Variants in E2F2 observed in about 807,000 individuals in gnomAD.
The protein encoded by E2F2 is transcription factor E2F2.
In E2F2, 22 loss-of-function variants were observed where a neutral mutation model predicts 42.2. The observed-to-expected ratio is 0.52, with a 90% CI of 0.37 to 0.74. The LOEUF (loss-of-function observed/expected upper bound fraction) is 0.74, where lower values mean the gene tolerates loss of function less well. Among genes scored for constraint, E2F2 ranks in the 30% least tolerant of loss-of-function variants. The probability of loss-of-function intolerance (pLI) is 0.00; values close to 1 mark genes in which losing one functional copy is unlikely to be tolerated. For synonymous variants in E2F2, 248 were observed against 251.6 expected (o/e 0.99, Z 0.13); for missense variants, 481 against 557.8 (o/e 0.86, Z 1.39).
downstream of E2F2, among the ~76,000 whole-genome samples, chr1:23,505,795 G>A (rs1023105978): frequency 2.0e-5 from 3 of 151,964 alleles, no homozygotes; most frequent in Non-Finnish European, 2.9e-5. Flanking sequence ...TTACAGGCGT[G>A]AGCCACTGCA....
In E2F2 at chr1:23,509,721, C is replaced by T; in HGVS notation, c.*159G>A. On this transcript the variant is annotated 3_prime_UTR_variant, in exon 7 of 7. Coordinates refer to ENST00000361729, the MANE Select transcript of E2F2 (RefSeq NM_004091.4). ...TCCTCACCCGTACCATTCATATCTC[C>T]CCACACAGCTTCTGCCGGCTGGGGC... 7.3e-7 allele frequency: 1 copy of T among 1,366,358 alleles called. No individual in the cohort carries two copies. The highest frequency in any genetic ancestry group is 9.6e-7 in the Non-Finnish European group (1 of 1,043,126). The allele number at this position is 1,366,358 out of a possible 1,614,324, so 84.6% of individuals were successfully genotyped here. A position where few individuals can be genotyped will look rare whatever the true frequency, so the allele number is the denominator to read the frequency against.
In E2F2 at chr1:23,516,318, C is replaced by T; in HGVS notation, c.1045+17G>A. On this transcript the variant is annotated intron_variant, in intron 6 of 6. Transcript: ENST00000361729. ...GTCTCTCCCCCCACCTCCTGTCCCT[C>T]TGGACAAGGGACCTACCTGAGGATG... 1 of 1,490,814 alleles carries T rather than the reference C, an allele frequency of 6.7e-7. No homozygotes were observed. The highest frequency in any genetic ancestry group is 2.6e-5 in the Admixed American group (1 of 38,096). The allele number at this position is 1,490,814 out of a possible 1,614,324, so 92.3% of individuals were successfully genotyped here.
Position 23,509,931 on chromosome 1 carries a change from G to T in E2F2, c.1263C>A (p.Gly421=). 2 of 1,602,038 alleles carry T rather than the reference G, an allele frequency of 1.2e-6. No individual in the cohort carries two copies. The highest frequency in any genetic ancestry group is 1.7e-6 in the Non-Finnish European group (2 of 1,173,186). ...CGTAGGAGTCGAAGAGATCGCTGAT[G>T]CCCTCACCCGCCTCCAAGCCCCACA... ...DYLWGLEAGE[G]ISDLFDSYDL... is the part of the protein sequence containing the mutation. The change falls in exon 7 of 7, where the codon GGC becomes GGA. Residue 421 remains glycine, a synonymous_variant. Transcript: ENST00000361729.
intron 1 of E2F2, among the ~76,000 whole-genome samples, chr1:23,525,992 G>C (rs1434886391): frequency 6.6e-6 from 1 of 152,036 alleles, no homozygotes; most frequent in Non-Finnish European, 1.5e-5. Flanking sequence ...AGCTCTTCCT[G>C]CTGTCAGTTC....
intron 4 of E2F2, among the ~76,000 whole-genome samples, chr1:23,520,524 G>A (rs540799253): frequency 6.6e-6 from 1 of 152,092 alleles, no homozygotes; most frequent in East Asian, 1.9e-4. Context: ...CAGGAGGATC[G>A]ACTGAAGCCA....
chr1:23,510,287 C>T (rs1642885913), intron 6 of E2F2, 139 bp from the exon 7 acceptor site: 1 of 1,384,344 alleles, frequency 7.2e-7, no homozygotes. Context: ...CTCTCAAAAT[C>T]CACCTTCCAG....
chr1:23,516,289 G>T, intron 6 of E2F2, 46 bp downstream of exon 6: 1 of 1,424,810 alleles, frequency 7.0e-7, no homozygotes, highest in Non-Finnish European at 9.2e-7. Context: ...GAAAACTAAG[G>T]CCGGTCTCTC....
chr1:23,516,603 C>CTAA, intron 5 of E2F2, 76 bp from the exon 6 acceptor site: 1 of 1,250,796 alleles, frequency 8.0e-7, no homozygotes. Flanking sequence ...GACAGACGCA[C>CTAA]GTGGCTGCTG....
At chr1:23,517,675 C>T (rs3218183) in intron 5 of E2F2, among the ~76,000 whole-genome samples, 2,325 of 152,298 alleles carry the variant, frequency 0.015, 19 homozygotes, top group Non-Finnish European at 0.024. Flanking sequence ...AGAATGCAAT[C>T]GTGTAATCAT....
chr1:23,527,457 G>A (rs1558257275), intron 1 of E2F2, among the ~76,000 whole-genome samples: 3 of 152,210 alleles, frequency 2.0e-5, no homozygotes. Context: ...AGCCCACCCT[G>A]CCAACCCCTA....
At position 23,530,998 on chromosome 1, in the gene E2F2, A is replaced by G. The variant is rs1404850725; in HGVS notation, c.-205T>C. On this transcript the variant is annotated 5_prime_UTR_variant, in exon 1 of 7. Transcript: ENST00000361729. This position sits in a 1 kb window ranked among gnomAD's most constrained non-coding sequence, Gnocchi z 4.4. ...AGCGCTTAGAGATCGCCGCTTGGAG[A>G]TCGCCCGGCGGCTGCGGTGGTGGCA... 7.4e-6 allele frequency: 4 copies of G among 543,224 alleles called. No individual in the cohort carries two copies. Among genetic ancestry groups the G allele is most frequent in the African/African-American group, 2.0e-5 (1 of 50,382 alleles). The allele number at this position is 543,224 out of a possible 1,614,324, so 33.7% of individuals were successfully genotyped here. A position where few individuals can be genotyped will look rare whatever the true frequency, so the allele number is the denominator to read the frequency against.
At position 23,516,357 on chromosome 1, in the gene E2F2, G is replaced by A. The variant is rs1158777328; in HGVS notation, c.1023C>T (p.Ile341=). The A allele has an allele frequency of 1.3e-6, 2 of 1,554,304 alleles. No individual in the cohort carries two copies. The highest frequency in any genetic ancestry group is 2.1e-5 in the Admixed American group (1 of 48,730). The change falls in exon 6 of 7, where the codon ATC becomes ATT. Residue 341 remains isoleucine, a synonymous_variant. Coordinates refer to ENST00000361729, the MANE Select transcript of E2F2 (RefSeq NM_004091.4). The part of the protein sequence containing the change: ...AQPSSSTDPS[I]MEPTASSVPA... ...TACCTGAGGATGCTGTGGGCTCCAT[G>A]ATGCTAGGGTCGGTGCTGCTGCTGG...
chr1:23,523,496 C>A (rs1240237509), intron 2 of E2F2, among the ~76,000 whole-genome samples: 3 of 152,138 alleles, frequency 2.0e-5, no homozygotes, highest in Non-Finnish European at 4.4e-5. Flanking sequence ...AGGCAGCAAC[C>A]CCCTCCAACT....
At chr1:23,529,565 G>A (rs569131145) in intron 1 of E2F2, among the ~76,000 whole-genome samples, 1 of 152,124 alleles carries the variant, frequency 6.6e-6, no homozygotes, top group Non-Finnish European at 1.5e-5. Flanking sequence ...CCTCTCCCTG[G>A]AGCCTGCTTC....
intron 1 of E2F2, among the ~76,000 whole-genome samples, chr1:23,526,851 G>GCACACACA (rs3221150): frequency 0.066 from 9,863 of 148,776 alleles, 643 homozygotes; most frequent in East Asian, 0.4. Context: ...GCATGTACTT[G>GCACACACA]CACACACACA....
At chr1:23,516,610 G>C (rs748167769) in intron 5 of E2F2, 83 bp from the exon 6 acceptor site, 113 of 1,183,800 alleles carry the variant, frequency 9.5e-5, no homozygotes, top group Non-Finnish European at 1.3e-4. Flanking sequence ...GCACGTGGCT[G>C]CTGCCATCCA....
intron 1 of E2F2, among the ~76,000 whole-genome samples, chr1:23,528,040 C>T (rs1031891569): frequency 1.3e-5 from 2 of 152,218 alleles, no homozygotes; most frequent in Non-Finnish European, 2.9e-5. Flanking sequence ...ATCATTTGAA[C>T]CTGGGAGGTG....
chr1:23,524,089 C>CAAAAAAAAAAAAAAAAA lies in E2F2; in HGVS notation c.358+293_358+294insTTTTTTTTTTTTTTTTT, dbSNP rs1320072066. Among the ~76,000 whole-genome samples the CAAAAAAAAAAAAAAAAA allele has an allele frequency of 3.4e-5, 2 of 58,570 alleles. 1 individual carries two copies. The allele number at this position is 58,570 out of a possible 152,430, so 38.4% of individuals were successfully genotyped here. ...ACCTGTCTCACAACAACAACAACAA[C>CAAAAAAAAAAAAAAAAA]AACAACAACAACAACAAAAAAAAAC... On this transcript the variant is annotated intron_variant, in intron 2 of 6. Transcript: ENST00000361729.
intron 2 of E2F2, among the ~76,000 whole-genome samples, chr1:23,523,154 G>C (rs992918717): frequency 8.0e-6 from 1 of 125,092 alleles, no homozygotes; most frequent in African/African-American, 2.6e-5. Flanking sequence ...CTCTAACCAG[G>C]ATTTTTTTTT....
Sources: gnomAD v4.1 joint callset for allele counts (sites outside exome capture counted in the v4.1 genomes callset) on GRCh38, gnomAD v4.1.1 for gene constraint, Gnocchi (gnomAD v3.1) non-coding constraint, MANE v1.5 for transcripts, NCBI Gene and HGNC (gene_info 2026-07-23, HGNC 2026-07-21) for gene names.